The following DNAH5 variants were observed in gnomAD, a reference collection of about 807,000 sequenced individuals.
DNAH5 encodes the protein dynein axonemal heavy chain 5, also known as axonemal beta dynein heavy chain 5.
A neutral mutation model predicts 518.2 loss-of-function variants in DNAH5; 372 were observed. That is an observed-to-expected ratio of 0.72 (90% CI 0.66 to 0.78). The LOEUF (loss-of-function observed/expected upper bound fraction) is 0.78, where lower values mean the gene tolerates loss of function less well. Among genes scored for constraint, DNAH5 ranks in the 30% least tolerant of loss-of-function variants. The pLI, the probability that DNAH5 is intolerant of heterozygous loss-of-function variation, is 0.00. For missense variants in DNAH5, 5,523 were observed against 5,687.0 expected (o/e 0.97, Z 0.93); for synonymous variants, 2,039 against 2,025.9 (o/e 1.01, Z -0.17).
chr5:13,907,912 A>T (rs1398589987), intron 12 of DNAH5, among the ~76,000 whole-genome samples: 1 of 152,220 alleles, frequency 6.6e-6, no homozygotes, highest in Non-Finnish European at 1.5e-5. Flanking sequence ...TATTAAATTG[A>T]GGAGACTAGT....
intron 70 of DNAH5, 55 bp from the exon 71 acceptor site, chr5:13,721,300 TA>T (rs1745032123): frequency 3.7e-6 from 6 of 1,610,686 alleles, no homozygotes; most frequent in Non-Finnish European, 5.1e-6. Context: ...TTCATGTAGA[TA>T]ATGTAGTGTG....
chr5:13,919,114 T>C, intron 7 of DNAH5, 62 bp downstream of exon 7: 1 of 1,598,444 alleles, frequency 6.3e-7, no homozygotes, highest in Admixed American at 1.7e-5. Flanking sequence ...CTCTATGCCT[T>C]GAAAATATGC....
intron 1 of DNAH5, among the ~76,000 whole-genome samples, chr5:13,951,183 CTTTTGTTTTTT>C (rs1402432441): frequency 6.1e-4 from 15 of 24,576 alleles, no homozygotes; most frequent in South Asian, 5.0e-3. Context: ...TACTCTGTCT[CTTTTGTTTTTT>C]TTTTGTTTTT....
At chr5:13,922,387 A>G (rs1425838648) in intron 4 of DNAH5, 59 bp from the exon 5 acceptor site, 1 of 1,448,772 alleles carries the variant, frequency 6.9e-7, no homozygotes, top group South Asian at 1.2e-5. Context: ...CAACACAACT[A>G]CTAAGTCATT....
intron 2 of DNAH5, among the ~76,000 whole-genome samples, chr5:13,929,455 C>A (rs13177195): frequency 0.45 from 68,788 of 151,974 alleles, 16,097 homozygotes; most frequent in East Asian, 0.87. Flanking sequence ...GAACTGTACA[C>A]TTAAAATGGT....
At chr5:13,773,785 G>A (rs1028093819) in intron 55 of DNAH5, among the ~76,000 whole-genome samples, 1 of 152,136 alleles carries the variant, frequency 6.6e-6, no homozygotes, top group African/African-American at 2.4e-5. Flanking sequence ...GACCTGGCTT[G>A]GGGGGAAACG....
chr5:13,775,677 T>G (rs115840855), intron 55 of DNAH5, among the ~76,000 whole-genome samples: 213 of 152,210 alleles, frequency 1.4e-3, no homozygotes, highest in African/African-American at 4.9e-3. Context: ...CATTCTCAGA[T>G]GGGGTACCAC....
Position 13,707,170 on chromosome 5 carries a change from C to G in DNAH5, c.13338+953G>C, listed in dbSNP as rs189018658. Among the ~76,000 whole-genome samples the G allele has an allele frequency of 6.9e-4, 104 of 151,528 alleles. No homozygotes were observed. The highest frequency in any genetic ancestry group is 1.1e-3 in the Non-Finnish European group (76 of 67,838). On this transcript the variant is annotated intron_variant, in intron 76 of 78. Transcript: ENST00000265104. This position sits in a 1 kb window ranked among gnomAD's most constrained non-coding sequence, Gnocchi z 4.0. ...CCAACAGACACCGCTGACAGCGGGA[C>G]GACGTGGAATTTGCTCAGGCATGGT...
In DNAH5 at chr5:13,894,796, ACT is replaced by A. The variant is rs1462578042; in HGVS notation, c.2283_2284del (p.Arg761SerfsTer10). On this transcript the variant is annotated frameshift_variant, in exon 16 of 79. Transcript: ENST00000265104. LOFTEE classifies it high-confidence loss of function. ...AATGGCAGCAGGTATTTTTGACTTC[ACT>A]CTCTGATATTCAGCTAGCATCATCT... 29 of 1,613,816 alleles carry A rather than the reference ACT, an allele frequency of 1.8e-5. No homozygotes were observed. The highest frequency in any genetic ancestry group is 8.3e-5 in the Admixed American group (5 of 59,990).
At chr5:13,959,981 T>C (rs1045457343) in intron 1 of DNAH5, among the ~76,000 whole-genome samples, 2 of 151,752 alleles carry the variant, frequency 1.3e-5, no homozygotes, top group Non-Finnish European at 2.9e-5. Flanking sequence ...AAAAAAAGAT[T>C]CCTCATGACT....
chr5:13,944,258 A>G, intron 1 of DNAH5, 124 bp downstream of exon 1: 1 of 949,470 alleles, frequency 1.1e-6, no homozygotes, highest in Non-Finnish European at 1.7e-6. Flanking sequence ...TAGTTAAAAA[A>G]TGTGTTTCTC....
Position 13,966,782 on chromosome 5 carries a change from T to C in DNAH5, c.13-35538A>G, listed in dbSNP as rs577434108. 3.3e-5 allele frequency among the ~76,000 whole-genome samples: 5 copies of C among 152,378 alleles called. No homozygotes were observed. In the South Asian group the frequency reaches 1.0e-3, roughly 32 times the overall value. ...TTAGTCCTTTGTTGGATGCATAGTT[T>C]GTGAAGATATTCTCCCACTGTCTGT... is the stretch of plus-strand genomic sequence containing the variant. On this transcript the variant is annotated intron_variant, in intron 1 of 78. Coordinates refer to the DNAH5 transcript ENST00000681290.
intron 53 of DNAH5, among the ~76,000 whole-genome samples, chr5:13,777,782 G>A (rs1754326238): frequency 6.6e-6 from 1 of 152,146 alleles, no homozygotes. Flanking sequence ...TGAGTGAGAT[G>A]CCCTGTTATA....
intron 1 of DNAH5, among the ~76,000 whole-genome samples, chr5:13,997,082 C>A (rs1395049168): frequency 2.6e-5 from 4 of 152,224 alleles, no homozygotes; most frequent in African/African-American, 9.6e-5. Context: ...AGGATACCAC[C>A]AAGCTTTACC....
Position 13,914,531 on chromosome 5 carries a change from T to C in DNAH5, c.1309A>G (p.Lys437Glu). The C allele has an allele frequency of 6.2e-7, 1 of 1,613,242 alleles. No individual in the cohort carries two copies. The change falls in exon 10 of 79, where the codon AAA (lysine) becomes GAA (glutamate). Residue 437 changes from lysine (K) to glutamate (E), a missense_variant. Around this residue, in one of 3 missense-constraint regions of DNAH5, gnomAD observed 5,121 missense variants for 5,223.3 expected, o/e 0.98. Coordinates refer to ENST00000265104, the MANE Select transcript of DNAH5 (RefSeq NM_001369.3). ...VVEEKILSAI[K>E]LKQEYQLCFH... is the part of the protein sequence containing the mutation. The stretch of plus-strand genomic sequence containing the variant: ...AAACTGACCATTACCTGTTTCAGTT[T>C]AATCGCAGATAGTATTTTTTCTTCA...
chr5:13,901,507 G>A lies in DNAH5; in HGVS notation c.1797C>T (p.Asp599=). The A allele has an allele frequency of 6.2e-7, 1 of 1,613,600 alleles. No homozygotes were observed. The highest frequency in any genetic ancestry group is 8.5e-7 in the Non-Finnish European group (1 of 1,179,926). The change falls in exon 14 of 79, where the codon GAC becomes GAT. Residue 599 remains aspartate, a synonymous_variant. Coordinates refer to ENST00000265104, the MANE Select transcript of DNAH5 (RefSeq NM_001369.3). ...TATACAGCTTTGAAATCATATCAAT[G>A]TCAGCCCCATAGTTCTCAAGGATAA... The part of the protein sequence containing the change: ...YQLILENYGA[D]IDMISKLYTK...
chr5:13,762,942 T>C, intron 59 of DNAH5, 41 bp from the exon 60 acceptor site: 2 of 1,540,582 alleles, frequency 1.3e-6, no homozygotes, highest in Non-Finnish European at 1.8e-6. Flanking sequence ...AACACTTCTT[T>C]CCATAAAGTC....
chr5:13,715,006 A>G (rs1744103839), intron 74 of DNAH5, among the ~76,000 whole-genome samples: 2 of 152,338 alleles, frequency 1.3e-5, no homozygotes, highest in South Asian at 2.1e-4. Context: ...TGTTTAGAAG[A>G]TACCAGGAAA....
intron 71 of DNAH5, among the ~76,000 whole-genome samples, chr5:13,720,111 C>CAAAAAAAAAAAAAA (rs70964504): frequency 7.8e-6 from 1 of 128,692 alleles, no homozygotes; most frequent in Admixed American, 7.8e-5. Context: ...GAAAAAACAC[C>CAAAAAAAAAAAAAA]AAAAAAAAAA....
Sources: gnomAD v4.1 joint callset for allele counts (sites outside exome capture counted in the v4.1 genomes callset) on GRCh38, gnomAD v4.1.1 for gene constraint, gnomAD v4.1.1 regional missense constraint, Gnocchi (gnomAD v3.1) non-coding constraint, MANE v1.5 for transcripts, NCBI Gene and HGNC (gene_info 2026-07-23, HGNC 2026-07-21) for gene names.